The following LINC01488 variants were observed in gnomAD, a reference collection of about 807,000 sequenced individuals.
LINC01488 encodes CCND1-upstream intergenic DNA repair 1.
intron 3 of LINC01488, chr11:69,491,711 A>C (rs545097107): frequency 6.6e-6 from 1 of 152,492 alleles, no homozygotes; most frequent in East Asian, 1.9e-4. Flanking sequence ...ATCTGTGTGG[A>C]GCGCCCACTC....
At chr11:69,492,160 G>T (rs1269681025) in exon 4 of LINC01488, 1 of 152,262 alleles carries the variant, frequency 6.6e-6, no homozygotes, top group African/African-American at 2.4e-5. Flanking sequence ...GAAGCCAGGA[G>T]GCCAACGAGG....
chr11:69,481,776 T>G (rs1466737800), exon 1 of LINC01488: 1 of 152,226 alleles, frequency 6.6e-6, no homozygotes, highest in Non-Finnish European at 1.5e-5. Context: ...CCAGGCTCCA[T>G]CCAGCAAGTA....
rs968871390 is a variant in LINC01488 at position 69,489,434 on chromosome 11, T to C, written n.123-1061T>C. On this transcript the variant is annotated intron_variant and non_coding_transcript_variant, in intron 1 of 3. Transcript: ENST00000644563. ...GGGGCCTGGGCAGTGCAGGCCGCAG[T>C]GTCCTCCCTGCCCTGGCAGCATGCA... Among the ~76,000 whole-genome samples the C allele has an allele frequency of 3.3e-5, 5 of 152,352 alleles. No homozygotes were observed. In the South Asian group the frequency reaches 8.3e-4, roughly 25 times the overall value.
At chr11:69,489,263 C>T (rs1194871953) in intron 1 of LINC01488, among the ~76,000 whole-genome samples, 1 of 152,092 alleles carries the variant, frequency 6.6e-6, no homozygotes, top group East Asian at 1.9e-4. Flanking sequence ...GGCACCTGCT[C>T]CCCACTTGGA....
At chr11:69,490,389 G>A (rs576290948) in intron 1 of LINC01488, 1 of 152,402 alleles carries the variant, frequency 6.6e-6, no homozygotes, top group South Asian at 2.1e-4. Context: ...GAGTGACAGG[G>A]ACCGCCTTTC....
exon 4 of LINC01488, chr11:69,492,489 A>G (rs1857238864): frequency 6.6e-6 from 1 of 152,470 alleles, no homozygotes; most frequent in Non-Finnish European, 1.5e-5. Flanking sequence ...GGAGCCGAGC[A>G]GATGTGAGGA....
exon 4 of LINC01488, chr11:69,492,435 C>G (rs1249323788): frequency 6.6e-6 from 1 of 152,340 alleles, no homozygotes; most frequent in Non-Finnish European, 1.5e-5. Flanking sequence ...CTGGCGGGCC[C>G]AGCATCATCA....
At chr11:69,488,838 C>T (rs960830422) in intron 1 of LINC01488, among the ~76,000 whole-genome samples, 16 of 152,288 alleles carry the variant, frequency 1.1e-4, no homozygotes, top group South Asian at 2.1e-4. Context: ...ACCACCAAGA[C>T]GCCCAGGCTT....
intron 1 of LINC01488, among the ~76,000 whole-genome samples, chr11:69,482,113 T>C (rs1401813055): frequency 6.6e-6 from 1 of 152,100 alleles, no homozygotes; most frequent in Non-Finnish European, 1.5e-5. Flanking sequence ...AGAGGTTTAA[T>C]GGACTCACAG....
At chr11:69,486,754 C>T (rs553040019) in intron 1 of LINC01488, among the ~76,000 whole-genome samples, 101 of 152,278 alleles carry the variant, frequency 6.6e-4, no homozygotes, top group African/African-American at 2.3e-3. Flanking sequence ...CATAAGCCCC[C>T]GCGATGGGTG....
chr11:69,484,683 G>T (rs114970950), intron 1 of LINC01488, among the ~76,000 whole-genome samples: 3 of 152,226 alleles, frequency 2.0e-5, no homozygotes, highest in African/African-American at 4.8e-5. Context: ...GCCCTGTGTC[G>T]CGCTGGCCCA....
At chr11:69,483,632 T>C (rs1418608565) in intron 1 of LINC01488, among the ~76,000 whole-genome samples, 2 of 152,270 alleles carry the variant, frequency 1.3e-5, no homozygotes, top group East Asian at 3.9e-4. Flanking sequence ...GAGGCTGCTG[T>C]GGTCAGGCCC....
At chr11:69,485,381 A>G (rs939374441) in intron 1 of LINC01488, among the ~76,000 whole-genome samples, 1 of 152,106 alleles carries the variant, frequency 6.6e-6, no homozygotes, top group African/African-American at 2.4e-5. Context: ...GATGCCACTG[A>G]CCTCACTGGA....
At chr11:69,482,708 G>C (rs1407693324) in intron 1 of LINC01488, among the ~76,000 whole-genome samples, 1 of 152,198 alleles carries the variant, frequency 6.6e-6, no homozygotes, top group Non-Finnish European at 1.5e-5. Context: ...GATTTATATA[G>C]TTTGTCATAC....
At chr11:69,487,127 T>C (rs1177694431) in intron 1 of LINC01488, among the ~76,000 whole-genome samples, 1 of 151,870 alleles carries the variant, frequency 6.6e-6, no homozygotes, top group Non-Finnish European at 1.5e-5. Context: ...ATTTTGGGGG[T>C]GTCCCCTAAA....
chr11:69,487,571 T>C (rs1223376067), intron 1 of LINC01488, among the ~76,000 whole-genome samples: 1 of 152,190 alleles, frequency 6.6e-6, no homozygotes, highest in African/African-American at 2.4e-5. Context: ...GGTGGTCCCC[T>C]TGGGGTCCTG....
intron 1 of LINC01488, among the ~76,000 whole-genome samples, chr11:69,484,184 GCGAC>G (rs1310327864): frequency 2.0e-5 from 3 of 152,186 alleles, no homozygotes; most frequent in Non-Finnish European, 4.4e-5. Context: ...GAGATAGAGA[GCGAC>G]CTCAGAACAC....
At position 69,485,424 on chromosome 11, in the gene LINC01488, A is replaced by T. The variant is rs111814751; in HGVS notation, n.122+3641A>T. Among the ~76,000 whole-genome samples, 544 of 152,304 alleles carry T rather than the reference A, an allele frequency of 3.6e-3. 1 individual carries two copies. The highest frequency in any genetic ancestry group is 0.012 in the African/African-American group (511 of 41,572). On this transcript the variant is annotated intron_variant and non_coding_transcript_variant, in intron 1 of 3. Coordinates refer to ENST00000644563, the Ensembl canonical transcript of LINC01488. ...TTCATTCAACAAATATTTGTCCCAG[A>T]CACCAGAAGAACCAGGGGAAGCTCC...
intron 1 of LINC01488, among the ~76,000 whole-genome samples, chr11:69,486,476 G>A (rs1351537582): frequency 6.6e-6 from 1 of 152,238 alleles, no homozygotes; most frequent in Non-Finnish European, 1.5e-5. Flanking sequence ...ACCAGGTGAA[G>A]GCGCAAAAGC....
Sources: gnomAD v4.1 joint callset for allele counts (sites outside exome capture counted in the v4.1 genomes callset) on GRCh38, gnomAD v4.1.1 for gene constraint, MANE v1.5 for transcripts, NCBI Gene and HGNC (gene_info 2026-07-23, HGNC 2026-07-21) for gene names.